Variants in RAP1A observed in about 807,000 individuals in gnomAD.
The protein encoded by RAP1A is RAP1A, member of RAS oncogene family.
In RAP1A, 6 loss-of-function variants were observed where a neutral mutation model predicts 26.4. The ratio of observed to expected loss-of-function variants is 0.23; its 90% CI spans 0.12 to 0.45. The LOEUF is 0.45. Among genes scored for constraint, RAP1A ranks in the 20% least tolerant of loss-of-function variants. The probability of loss-of-function intolerance (pLI) is 0.99; values close to 1 mark genes in which losing one functional copy is unlikely to be tolerated. For missense variants in RAP1A, 121 were observed against 217.2 expected (o/e 0.56, Z 2.78); for synonymous variants, 73 against 79.4 (o/e 0.92, Z 0.43).
intron 5 of RAP1A, 67 bp from the exon 6 acceptor site, chr1:111,704,276 T>C: frequency 4.0e-6 from 6 of 1,515,494 alleles, no homozygotes; most frequent in Non-Finnish European, 5.4e-6. Flanking sequence ...TAATTGCTTA[T>C]TTATTTTTTT....
At chr1:111,558,228 A>G (rs1657582378) in intron 1 of RAP1A, among the ~76,000 whole-genome samples, 1 of 152,170 alleles carries the variant, frequency 6.6e-6, no homozygotes, top group Non-Finnish European at 1.5e-5. Context: ...CCCAGGCTGG[A>G]GTGCAGTGGC....
intron 2 of RAP1A, among the ~76,000 whole-genome samples, chr1:111,693,919 G>A (rs1269627222): frequency 1.4e-5 from 2 of 143,394 alleles, no homozygotes; most frequent in Non-Finnish European, 3.0e-5. Flanking sequence ...TTTAAATCTT[G>A]AATCAGCATC....
intron 1 of RAP1A, among the ~76,000 whole-genome samples, chr1:111,651,850 G>A (rs1557878644): frequency 1.3e-5 from 2 of 151,964 alleles, no homozygotes; most frequent in African/African-American, 4.8e-5. Context: ...TTGACCTCAT[G>A]ATCCACCTAC....
chr1:111,626,778 G>C (rs1019040452), intron 1 of RAP1A, among the ~76,000 whole-genome samples: 3 of 152,130 alleles, frequency 2.0e-5, no homozygotes, highest in African/African-American at 7.2e-5. Flanking sequence ...AATTGGACTT[G>C]TATTATTCTC....
intron 1 of RAP1A, among the ~76,000 whole-genome samples, chr1:111,684,399 C>T (rs7540630): frequency 0.061 from 9,263 of 152,246 alleles, 299 homozygotes; most frequent in South Asian, 0.087. Context: ...AAAACCCCAT[C>T]GTCTCAGCCC....
At chr1:111,580,634 G>A (rs1658236978) in intron 1 of RAP1A, among the ~76,000 whole-genome samples, 1 of 152,120 alleles carries the variant, frequency 6.6e-6, no homozygotes, top group Non-Finnish European at 1.5e-5. Flanking sequence ...GGATCACGAG[G>A]TCAGGAGTTT....
At chr1:111,590,636 G>C (rs1388021523) in intron 1 of RAP1A, among the ~76,000 whole-genome samples, 1 of 150,382 alleles carries the variant, frequency 6.6e-6, no homozygotes, top group Non-Finnish European at 1.5e-5. Context: ...TGTTGCCCAG[G>C]TTGGTCTTGA....
chr1:111,650,425 C>T (rs1213850735), intron 1 of RAP1A: 1 of 151,948 alleles, frequency 6.6e-6, no homozygotes, highest in African/African-American at 2.4e-5. Flanking sequence ...AAAAATAGAC[C>T]ATTGAAAAAA....
chr1:111,701,321 A>G (rs1219893386), intron 4 of RAP1A, among the ~76,000 whole-genome samples: 1 of 152,130 alleles, frequency 6.6e-6, no homozygotes, highest in Non-Finnish European at 1.5e-5. Context: ...TCCTCCACAT[A>G]ACCATAGAGC....
intron 1 of RAP1A, among the ~76,000 whole-genome samples, chr1:111,646,560 G>A (rs1480559709): frequency 6.7e-6 from 1 of 148,402 alleles, no homozygotes; most frequent in East Asian, 2.0e-4. Flanking sequence ...CTTTTTTTTT[G>A]GACGGAGTCT....
At chr1:111,585,144 A>G (rs1420540558) in intron 1 of RAP1A, among the ~76,000 whole-genome samples, 1 of 152,186 alleles carries the variant, frequency 6.6e-6, no homozygotes, top group Non-Finnish European at 1.5e-5. Flanking sequence ...TTGCCGATTT[A>G]ATCCTCCTCT....
rs189694386 is a variant in RAP1A, at chr1:111,558,331, C to T, written c.-28+15822C>T. Among the ~76,000 whole-genome samples the T allele has an allele frequency of 1.9e-4, 28 of 148,402 alleles. No homozygotes were observed. In the East Asian group the frequency reaches 5.4e-3, roughly 28 times the overall value. On this transcript the variant is annotated intron_variant, in intron 1 of 7. Transcript: ENST00000356415. ...TAGCGAGGACTACAGGCACGTGCCA[C>T]CACTCCCAGCTAATTTTTCTATTTT...
intron 1 of RAP1A, among the ~76,000 whole-genome samples, chr1:111,610,702 T>C (rs1658912409): frequency 6.6e-6 from 1 of 152,214 alleles, no homozygotes; most frequent in Non-Finnish European, 1.5e-5. Flanking sequence ...AGTAAGGAGT[T>C]TTAGCTCAGC....
chr1:111,581,416 A>T (rs1379589256), intron 1 of RAP1A, among the ~76,000 whole-genome samples: 1 of 152,194 alleles, frequency 6.6e-6, no homozygotes, highest in East Asian at 1.9e-4. Context: ...TGTTACCAGC[A>T]TCTGCTAGAC....
Position 111,709,948 on chromosome 1 carries a change from C to T in RAP1A, c.*29+684C>T, listed in dbSNP as rs142179273. Among the ~76,000 whole-genome samples the T allele has an allele frequency of 3.0e-3, 454 of 152,280 alleles. 4 individuals carry two copies. Among genetic ancestry groups the T allele is most frequent in the African/African-American group, 0.011 (441 of 41,550 alleles). ...GAATTAGTATGAATAATTCTGTGCA[C>T]ATTCCTATATGTCTTTGTGCACATG... On this transcript the variant is annotated intron_variant, in intron 7 of 7. Transcript: ENST00000369709.
intron 1 of RAP1A, among the ~76,000 whole-genome samples, chr1:111,600,516 C>A (rs930912948): frequency 1.4e-4 from 22 of 152,338 alleles, no homozygotes; most frequent in South Asian, 1.0e-3. Flanking sequence ...CTTCTCCTAG[C>A]CTCCCCTCTC....
chr1:111,562,774 A>G (rs1384231906), intron 1 of RAP1A, among the ~76,000 whole-genome samples: 1 of 152,216 alleles, frequency 6.6e-6, no homozygotes, highest in Non-Finnish European at 1.5e-5. Context: ...TCCTCTTGAT[A>G]GGCTGGAAGA....
intron 1 of RAP1A, among the ~76,000 whole-genome samples, chr1:111,598,999 T>A (rs895520502): frequency 6.6e-6 from 1 of 152,010 alleles, no homozygotes; most frequent in African/African-American, 2.4e-5. Context: ...TGGTATATTA[T>A]AAAGGATATT....
chr1:111,658,462 C>A (rs983650643), intron 1 of RAP1A, among the ~76,000 whole-genome samples: 1 of 152,132 alleles, frequency 6.6e-6, no homozygotes, highest in Non-Finnish European at 1.5e-5. Context: ...AACACAAACA[C>A]ATTGTTGTCT....
Sources: allele counts gnomAD v4.1 joint callset (sites outside exome capture counted in the v4.1 genomes callset), GRCh38; gene constraint gnomAD v4.1.1; transcripts MANE v1.5; gene names NCBI Gene and HGNC (gene_info 2026-07-23, HGNC 2026-07-21).